Variants in DEPDC5 observed in about 807,000 individuals in gnomAD.
The protein encoded by DEPDC5 is GATOR1 complex protein DEPDC5.
DEPDC5 carries 73 observed loss-of-function variants against 217.3 expected under a neutral mutation model. The ratio of observed to expected loss-of-function variants is 0.34; its 90% CI spans 0.28 to 0.41. DEPDC5 has a LOEUF of 0.41. Among genes scored for constraint, DEPDC5 ranks in the 10% least tolerant of loss-of-function variants. The pLI is 1.00. For missense variants in DEPDC5, 1,675 were observed against 2,070.1 expected, an observed-to-expected ratio of 0.81 and a Z score of 3.70; for synonymous variants, 733 against 756.7, an observed-to-expected ratio of 0.97 and a Z score of 0.51.
chr22:31,819,909 GT>G (rs1293011203), intron 22 of DEPDC5, among the ~76,000 whole-genome samples: 1 of 151,884 alleles, frequency 6.6e-6, no homozygotes, highest in Non-Finnish European at 1.5e-5. Flanking sequence ...GAGTTATGTT[GT>G]TTTGTTTTCT....
chr22:31,881,586 G>A (rs1038693417), intron 38 of DEPDC5, among the ~76,000 whole-genome samples: 1 of 152,120 alleles, frequency 6.6e-6, no homozygotes. Flanking sequence ...ACCAGGGCTT[G>A]AGACCTAAGG....
intron 24 of DEPDC5, among the ~76,000 whole-genome samples, chr22:31,825,797 TG>T (rs1217387901): frequency 3.9e-5 from 6 of 152,134 alleles, no homozygotes; most frequent in Non-Finnish European, 7.4e-5. Flanking sequence ...TGGCTCTTCA[TG>T]GCTATAGTGC....
At chr22:31,861,262 GT>G (rs1218245286) in intron 32 of DEPDC5, 105 bp from the exon 33 acceptor site, 4 of 620,420 alleles carry the variant, frequency 6.4e-6, no homozygotes, top group East Asian at 1.3e-4. Flanking sequence ...TTTATTTTTT[GT>G]TTTTTATACC....
intron 30 of DEPDC5, 71 bp from the exon 31 acceptor site, chr22:31,846,762 GC>G: frequency 6.2e-6 from 10 of 1,604,426 alleles, no homozygotes; most frequent in Non-Finnish European, 8.5e-6. Flanking sequence ...GCTGCAGCAT[GC>G]CCTGGGGCAT....
intron 13 of DEPDC5, among the ~76,000 whole-genome samples, chr22:31,798,055 G>A (rs2086456884): frequency 6.6e-6 from 1 of 151,902 alleles, no homozygotes; most frequent in Admixed American, 6.6e-5. Flanking sequence ...CGGGTAGCTA[G>A]GACGACAGGC....
At chr22:31,904,918 A>G (rs1450681809) in intron 41 of DEPDC5, among the ~76,000 whole-genome samples, 1 of 152,214 alleles carries the variant, frequency 6.6e-6, no homozygotes, top group African/African-American at 2.4e-5. Context: ...CACCTCCCCA[A>G]GGAACTCAGT....
Position 31,873,239 on chromosome 22 carries a change from A to G in DEPDC5, c.3486-16A>G, listed in dbSNP as rs1380841561. 5.0e-6 allele frequency: 8 copies of G among 1,613,784 alleles called. 1 individual carries two copies. In the Admixed American group the frequency reaches 8.3e-5, roughly 17 times the overall value. On this transcript the variant is annotated splice_polypyrimidine_tract_variant and intron_variant, in intron 34 of 42. Coordinates refer to ENST00000651528, the MANE Select transcript of DEPDC5 (RefSeq NM_001242896.3). ...CGTGCCATCTTGCTTTGCTGACCTGACACCCTGTGTTACAGCTCTCAGCAG... is the reference window on the plus strand; with the variant it reads ...CGTGCCATCTTGCTTTGCTGACCTGGCACCCTGTGTTACAGCTCTCAGCAG...
rs78277485 is a variant in DEPDC5, at chr22:31,833,688, A to G, written c.2105-227A>G. Among the ~76,000 whole-genome samples, 5,256 of 152,314 alleles carry G rather than the reference A, an allele frequency of 0.035. 148 individuals are homozygous for G. The highest frequency in any genetic ancestry group is 0.073 in the African/African-American group (3,025 of 41,544). ...GTGTTTGTGTGATCTCTTTTAGCAA[A>G]GAATGATACCAGTAACCTCAGAGTA... On this transcript the variant is annotated intron_variant, in intron 24 of 42. Coordinates refer to ENST00000651528, the MANE Select transcript of DEPDC5 (RefSeq NM_001242896.3).
intron 7 of DEPDC5, among the ~76,000 whole-genome samples, chr22:31,773,194 A>G (rs771769056): frequency 4.0e-5 from 6 of 151,890 alleles, no homozygotes; most frequent in Non-Finnish European, 7.4e-5. Flanking sequence ...CTTTATTTTT[A>G]TATATTTATT....
At chr22:31,842,656 G>T (rs1433366926) in intron 27 of DEPDC5, among the ~76,000 whole-genome samples, 2 of 152,128 alleles carry the variant, frequency 1.3e-5, no homozygotes, top group South Asian at 2.1e-4. Context: ...CTGAAACTTG[G>T]TATAGCAGTT....
chr22:31,853,918 G>A (rs2092156340), intron 31 of DEPDC5, among the ~76,000 whole-genome samples: 1 of 152,232 alleles, frequency 6.6e-6, no homozygotes, highest in Non-Finnish European at 1.5e-5. Context: ...AAGCCTGCCA[G>A]CAATGAGCCA....
intron 18 of DEPDC5, among the ~76,000 whole-genome samples, chr22:31,806,682 T>C (rs550293675): frequency 6.6e-6 from 1 of 152,280 alleles, no homozygotes; most frequent in African/African-American, 2.4e-5. Flanking sequence ...AGGGGAAATA[T>C]GATAAAAAGG....
chr22:31,780,581 C>T (rs537740859), intron 8 of DEPDC5, among the ~76,000 whole-genome samples: 3 of 152,238 alleles, frequency 2.0e-5, no homozygotes, highest in Non-Finnish European at 4.4e-5. Flanking sequence ...GCACATGCTG[C>T]CCTCTGTATC....
intron 9 of DEPDC5, 38 bp downstream of exon 9, chr22:31,784,023 A>G (rs1312121476): frequency 6.4e-7 from 1 of 1,554,276 alleles, no homozygotes; most frequent in East Asian, 2.3e-5. Context: ...TGCTAAGGGG[A>G]GAATTTTCTG....
chr22:31,870,092 G>A (rs904149951), intron 33 of DEPDC5, among the ~76,000 whole-genome samples: 19 of 152,358 alleles, frequency 1.2e-4, no homozygotes, highest in African/African-American at 4.6e-4. Context: ...AAAGGTAGAA[G>A]AAAGGAGGTT....
chr22:31,837,275 G>A (rs886479481), intron 26 of DEPDC5, 120 bp downstream of exon 26: 7 of 987,712 alleles, frequency 7.1e-6, no homozygotes, highest in African/African-American at 3.3e-5. Flanking sequence ...AAATTGGAAC[G>A]ATATAGAGGA....
intron 31 of DEPDC5, among the ~76,000 whole-genome samples, chr22:31,848,673 C>T (rs947844439): frequency 1.3e-5 from 2 of 152,096 alleles, no homozygotes; most frequent in African/African-American, 4.8e-5. Context: ...TCTGACATGC[C>T]CTGGAGACAT....
At chr22:31,885,272 T>C (rs1458746576) in intron 38 of DEPDC5, among the ~76,000 whole-genome samples, 1 of 152,214 alleles carries the variant, frequency 6.6e-6, no homozygotes, top group Non-Finnish European at 1.5e-5. Flanking sequence ...GTCCGCCTCC[T>C]ATGTACTCTG....
In DEPDC5 at chr22:31,906,506, T is replaced by G. The variant is rs2093762485; in HGVS notation, c.*9T>G. ...ATGCCAGTGCCCCGTGAGGCCAGGC[T>G]GCACCTGTGCTGGGGGAAGGTGGGT... On this transcript the variant is annotated 3_prime_UTR_variant, in exon 43 of 43. Transcript: ENST00000651528. The surrounding 1 kb of genome is among the most constrained non-coding windows in gnomAD (Gnocchi z 5.1). 1 of 1,612,122 alleles carries G rather than the reference T, an allele frequency of 6.2e-7. No individual in the cohort carries two copies. The highest frequency in any genetic ancestry group is 1.3e-5 in the African/African-American group (1 of 74,934).
Sources: allele counts gnomAD v4.1 joint callset (sites outside exome capture counted in the v4.1 genomes callset), GRCh38; gene constraint gnomAD v4.1.1; non-coding constraint Gnocchi (gnomAD v3.1); transcripts MANE v1.5; gene names NCBI Gene and HGNC (gene_info 2026-07-23, HGNC 2026-07-21).